FRYL: variants seen among roughly 807,000 people sequenced by gnomAD.
The protein encoded by FRYL is FRY like transcription coactivator.
FRYL carries 150 observed loss-of-function variants against 351.2 expected under a neutral mutation model. That is an observed-to-expected ratio of 0.43 (90% confidence interval 0.37 to 0.49). FRYL has a LOEUF of 0.49. Ranked by LOEUF, FRYL falls within the 20% of genes least tolerant of loss-of-function variation. The probability of loss-of-function intolerance (pLI) is 0.00; values close to 1 mark genes in which losing one functional copy is unlikely to be tolerated. For missense variants in FRYL, 3,036 were observed against 3,619.3 expected (o/e 0.84, Z 4.13); for synonymous variants, 1,153 against 1,257.1 (o/e 0.92, Z 1.75).
chr4:48,547,059 T>C (rs1468011673), intron 41 of FRYL, among the ~76,000 whole-genome samples: 3 of 152,078 alleles, frequency 2.0e-5, no homozygotes, highest in Admixed American at 6.5e-5. Context: ...TACTGATGAA[T>C]GAAAGAAATG....
intron 59 of FRYL, 21 bp from the exon 60 acceptor site, chr4:48,505,636 C>A: frequency 6.6e-7 from 1 of 1,516,634 alleles, no homozygotes; most frequent in African/African-American, 1.4e-5. Context: ...GTAACAGTAA[C>A]GTTTAATATG....
At chr4:48,579,691 C>T (rs1740451760) in intron 22 of FRYL, among the ~76,000 whole-genome samples, 1 of 152,104 alleles carries the variant, frequency 6.6e-6, no homozygotes, top group Non-Finnish European at 1.5e-5. Flanking sequence ...AACTCTTATA[C>T]TGAAGAGATA....
chr4:48,578,894 CT>C (rs1740259112), intron 23 of FRYL, 78 bp downstream of exon 23: 1 of 1,277,546 alleles, frequency 7.8e-7, no homozygotes, highest in African/African-American at 1.5e-5. Flanking sequence ...ATCTGTAATA[CT>C]TTTGAATTTT....
chr4:48,576,053 T>C lies in FRYL; in HGVS notation c.2698A>G (p.Ser900Gly). The C allele has an allele frequency of 6.2e-7, 1 of 1,610,198 alleles. No individual in the cohort carries two copies. The highest frequency in any genetic ancestry group is 8.5e-7 in the Non-Finnish European group (1 of 1,178,586). ...ACTTTAGAATCAATGCTATAGCCGC[T>C]ATCTGGGGTAGACGCCAGCGTCTCA... ...PPETLASTPDSGYSIDSKIIG... is the reference protein window; with the variant it reads ...PPETLASTPDGGYSIDSKIIG... The change falls in exon 24 of 64, where the codon AGC becomes GGC. Residue 900 changes from serine (S) to glycine (G), a missense_variant. Physicochemically the swap from Ser to Gly is moderately conservative, Grantham distance 56 (BLOSUM62 0). Around this residue, in one of 7 missense-constraint regions of FRYL, gnomAD observed 492 missense variants for 551.5 expected, o/e 0.89. Transcript: ENST00000358350.
intron 55 of FRYL, among the ~76,000 whole-genome samples, chr4:48,516,916 T>C (rs1173527093): frequency 6.6e-6 from 1 of 152,098 alleles, no homozygotes; most frequent in East Asian, 1.9e-4. Context: ...CAGCATGTTT[T>C]GACAAACATG....
chr4:48,543,060 C>A (rs1214266779), intron 44 of FRYL, among the ~76,000 whole-genome samples: 1 of 152,090 alleles, frequency 6.6e-6, no homozygotes, highest in African/African-American at 2.4e-5. Flanking sequence ...CTAGCGACAC[C>A]AATTTTCTTG....
At chr4:48,776,831 A>T (rs1579003880) in intron 1 of FRYL, among the ~76,000 whole-genome samples, 1 of 152,360 alleles carries the variant, frequency 6.6e-6, no homozygotes, top group Admixed American at 6.5e-5. Flanking sequence ...CTACTTTATT[A>T]AAAAATGTAT....
At chr4:48,691,289 C>CT (rs1215022876) in intron 2 of FRYL, among the ~76,000 whole-genome samples, 2 of 151,960 alleles carry the variant, frequency 1.3e-5, no homozygotes, top group Non-Finnish European at 2.9e-5. Flanking sequence ...GTTCATTGTA[C>CT]TATTATTCCT....
intron 3 of FRYL, among the ~76,000 whole-genome samples, chr4:48,671,309 C>T (rs1762624388): frequency 2.6e-5 from 4 of 152,024 alleles, no homozygotes; most frequent in South Asian, 2.1e-4. Flanking sequence ...CTTAAAAAAC[C>T]TTTGTATCTG....
At chr4:48,628,534 G>A (rs1466629769) in intron 4 of FRYL, among the ~76,000 whole-genome samples, 1 of 151,790 alleles carries the variant, frequency 6.6e-6, no homozygotes, top group Non-Finnish European at 1.5e-5. Context: ...GTAGGGGAAA[G>A]AGAGGCACAG....
chr4:48,663,572 T>TCC, intron 3 of FRYL, among the ~76,000 whole-genome samples: 1 of 150,708 alleles, frequency 6.6e-6, no homozygotes, highest in Middle Eastern at 3.4e-3. Context: ...ATAAAAGAGA[T>TCC]CCCCCTTCCT....
At chr4:48,595,759 A>C in intron 14 of FRYL, 61 bp from the exon 15 acceptor site, 2 of 1,152,566 alleles carry the variant, frequency 1.7e-6, no homozygotes, top group Non-Finnish European at 2.5e-6. Flanking sequence ...TTAGCAAAAA[A>C]TTCTTCCTAT....
Position 48,535,384 on chromosome 4 carries a change from T to C in FRYL, c.6564+273A>G, listed in dbSNP as rs888610660. Among the ~76,000 whole-genome samples the C allele has an allele frequency of 4.6e-5, 7 of 152,076 alleles. 1 individual carries two copies. The highest frequency in any genetic ancestry group is 6.8e-3 in the Middle Eastern group (2 of 294). ...TAAATAAGGATATAAACACTGGACATGGAAAAAAAACCCACCTTTATAAAA... is the reference window on the plus strand; with the variant it reads ...TAAATAAGGATATAAACACTGGACACGGAAAAAAAACCCACCTTTATAAAA... On this transcript the variant is annotated intron_variant, in intron 48 of 63. Coordinates refer to ENST00000358350, the MANE Select transcript of FRYL (RefSeq NM_015030.2).
chr4:48,664,549 C>T (rs1028729199), intron 3 of FRYL, among the ~76,000 whole-genome samples: 9 of 152,058 alleles, frequency 5.9e-5, no homozygotes, highest in African/African-American at 2.2e-4. Flanking sequence ...GAAGGTCATG[C>T]TGAATGTGGA....
At chr4:48,669,416 G>A (rs1762279410) in intron 3 of FRYL, among the ~76,000 whole-genome samples, 1 of 152,024 alleles carries the variant, frequency 6.6e-6, no homozygotes, top group African/African-American at 2.4e-5. Flanking sequence ...AATTGGGGGA[G>A]GAGATTTAGT....
intron 24 of FRYL, 92 bp downstream of exon 24, chr4:48,575,938 T>C: frequency 9.8e-7 from 1 of 1,019,194 alleles, no homozygotes; most frequent in East Asian, 2.6e-5. Context: ...TCAACTGAGT[T>C]ACTTTATTGT....
rs535787141 is a variant in FRYL, at chr4:48,778,839, A to C, written c.-384+1239T>G. Among the ~76,000 whole-genome samples, 10 of 151,708 alleles carry C rather than the reference A, an allele frequency of 6.6e-5. No homozygotes were observed. In the East Asian group the frequency reaches 1.9e-3, roughly 29 times the overall value. ...TCCATCAAAACCCTTTTTCCCCCCCAATCCGACAGACCCTGGCAACCTGTC... is the reference window on the plus strand; with the variant it reads ...TCCATCAAAACCCTTTTTCCCCCCCCATCCGACAGACCCTGGCAACCTGTC... On this transcript the variant is annotated intron_variant, in intron 1 of 63. Coordinates refer to ENST00000358350, the MANE Select transcript of FRYL (RefSeq NM_015030.2).
chr4:48,543,759 G>C (rs1388124018), intron 44 of FRYL, 48 bp downstream of exon 44: 1 of 1,528,440 alleles, frequency 6.5e-7, no homozygotes, highest in Admixed American at 1.8e-5. Context: ...ATAAATCCTT[G>C]ACAACTAGTA....
chr4:48,553,924 T>C (rs952361053), intron 35 of FRYL, among the ~76,000 whole-genome samples: 1 of 152,198 alleles, frequency 6.6e-6, no homozygotes, highest in African/African-American at 2.4e-5. Flanking sequence ...CATTGGAAAG[T>C]TGCTCTCAGT....
Sources: gnomAD v4.1 joint callset for allele counts (sites outside exome capture counted in the v4.1 genomes callset) on GRCh38, gnomAD v4.1.1 for gene constraint, gnomAD v4.1.1 regional missense constraint, MANE v1.5 for transcripts, NCBI Gene and HGNC (gene_info 2026-07-23, HGNC 2026-07-21) for gene names.